The following PCDHA10 variants were observed in gnomAD, a reference collection of about 807,000 sequenced individuals.
The protein encoded by PCDHA10 is protocadherin alpha-10.
Under a neutral mutation model 61.2 loss-of-function variants are expected in PCDHA10, and 45 were observed. The observed-to-expected ratio is 0.74, with a 90% CI of 0.58 to 0.94. The LOEUF (loss-of-function observed/expected upper bound fraction) is 0.94, where lower values mean the gene tolerates loss of function less well. PCDHA10 is among the 40% of genes least tolerant of loss of function. The pLI is 0.00. For synonymous variants in PCDHA10, 602 were observed against 548.8 expected (o/e 1.10, Z -1.35); for missense variants, 1,278 against 1,236.2 (o/e 1.03, Z -0.51).
At chr5:140,958,241 AT>A (rs2095415572) in intron 1 of PCDHA10, among the ~76,000 whole-genome samples, 1 of 152,118 alleles carries the variant, frequency 6.6e-6, no homozygotes, top group Non-Finnish European at 1.5e-5. Flanking sequence ...GTTTTTAACA[AT>A]TCTGAACAAA....
At chr5:140,912,897 G>T (rs782442093) in intron 1 of PCDHA10, among the ~76,000 whole-genome samples, 1 of 152,290 alleles carries the variant, frequency 6.6e-6, no homozygotes, top group East Asian at 1.9e-4. Context: ...TTGATATGAT[G>T]TATCATATTG....
rs1050286921 is a variant in PCDHA10, at chr5:140,879,863, C to G, written c.2388+21427C>G. Among the ~76,000 whole-genome samples, 24 of 152,218 alleles carry G rather than the reference C, an allele frequency of 1.6e-4. 1 individual carries two copies. Among genetic ancestry groups the G allele is most frequent in the Non-Finnish European group, 5.9e-5 (4 of 68,034 alleles). Reference sequence around the variant, plus strand: ...ACCACTCCCATCTCAGCCTTCTCAGCTTTCATGGTCACATTGCCTCCTCCT... The same window carrying G: ...ACCACTCCCATCTCAGCCTTCTCAGGTTTCATGGTCACATTGCCTCCTCCT... On this transcript the variant is annotated intron_variant, in intron 1 of 3. Coordinates refer to ENST00000307360, the MANE Select transcript of PCDHA10 (RefSeq NM_018901.4).
rs1562518295 is a variant in PCDHA10, at chr5:140,857,108, C to G, written c.1060C>G (p.Leu354Val). 1.3e-6 allele frequency: 2 copies of G among 1,597,858 alleles called. No individual in the cohort carries two copies. The highest frequency in any genetic ancestry group is 1.7e-6 in the Non-Finnish European group (2 of 1,167,410). ...DNSPEVIVTSLSLPVKEDAQV... is the reference protein window; with the variant it reads ...DNSPEVIVTSVSLPVKEDAQV... ...TTCACCTGAGGTGATTGTCACTTCT[C>G]TGTCTCTCCCAGTGAAAGAAGATGC... The change falls in exon 1 of 4, where the codon CTG becomes GTG. Residue 354 changes from leucine to valine, a missense_variant. Coordinates refer to ENST00000307360, the MANE Select transcript of PCDHA10 (RefSeq NM_018901.4).
chr5:140,957,826 G>A (rs1282608668), intron 1 of PCDHA10, among the ~76,000 whole-genome samples: 3 of 151,106 alleles, frequency 2.0e-5, no homozygotes, highest in East Asian at 3.9e-4. Flanking sequence ...TTAAGAGAAA[G>A]TGTTAATTGA....
intron 1 of PCDHA10, among the ~76,000 whole-genome samples, chr5:140,961,654 T>G (rs1554225528): frequency 6.6e-6 from 1 of 152,194 alleles, no homozygotes; most frequent in East Asian, 1.9e-4. Context: ...TGTGGTTAGT[T>G]TGAAGTTACC....
intron 1 of PCDHA10, chr5:140,882,698 G>GA: frequency 6.2e-7 from 1 of 1,614,200 alleles, no homozygotes; most frequent in Non-Finnish European, 8.5e-7. Flanking sequence ...AATCATTGCA[G>GA]AATCTAGACC....
chr5:140,975,848 T>C (rs1345383470), intron 1 of PCDHA10, among the ~76,000 whole-genome samples: 1 of 152,234 alleles, frequency 6.6e-6, no homozygotes, highest in Non-Finnish European at 1.5e-5. Flanking sequence ...TCAGTAATAC[T>C]ACATCACCCA....
intron 1 of PCDHA10, among the ~76,000 whole-genome samples, chr5:140,917,324 C>CGGGGGGCG (rs1299895515): frequency 1.3e-5 from 1 of 76,124 alleles, no homozygotes; most frequent in Non-Finnish European, 2.9e-5. Context: ...GTTCATGTGG[C>CGGGGGGCG]GGGGGAGGGG....
chr5:140,909,234 A>G (rs782659410), intron 1 of PCDHA10, among the ~76,000 whole-genome samples: 12 of 152,220 alleles, frequency 7.9e-5, no homozygotes, highest in Non-Finnish European at 1.3e-4. Context: ...GTAGGATGGT[A>G]AAGATATATT....
intron 1 of PCDHA10, among the ~76,000 whole-genome samples, chr5:140,962,085 C>T (rs565561726): frequency 2.0e-5 from 3 of 151,950 alleles, no homozygotes; most frequent in Non-Finnish European, 4.4e-5. Context: ...CGGGGTTTCA[C>T]CATGTTAGCC....
intron 1 of PCDHA10, among the ~76,000 whole-genome samples, chr5:140,949,671 G>A (rs1316716969): frequency 6.6e-6 from 1 of 151,584 alleles, no homozygotes. Context: ...TTTAAAGTAT[G>A]CCCTTGTTGA....
At chr5:140,972,306 GT>G (rs2096530781) in intron 1 of PCDHA10, among the ~76,000 whole-genome samples, 1 of 150,488 alleles carries the variant, frequency 6.6e-6, no homozygotes, top group South Asian at 2.1e-4. Flanking sequence ...TGTCTGACTA[GT>G]TTTTAGGTGT....
chr5:140,957,138 C>G (rs1554222835), intron 1 of PCDHA10, among the ~76,000 whole-genome samples: 1 of 151,982 alleles, frequency 6.6e-6, no homozygotes, highest in African/African-American at 2.4e-5. Flanking sequence ...ACACTATGAA[C>G]TAAAAATTTT....
intron 1 of PCDHA10, among the ~76,000 whole-genome samples, chr5:140,887,239 G>C (rs1248062448): frequency 6.6e-6 from 1 of 151,736 alleles, no homozygotes. Flanking sequence ...TGAGACTACC[G>C]GCGCCCGCCA....
chr5:140,905,215 AAGGTG>A (rs2071683869), intron 1 of PCDHA10, among the ~76,000 whole-genome samples: 1 of 152,186 alleles, frequency 6.6e-6, no homozygotes, highest in Non-Finnish European at 1.5e-5. Flanking sequence ...ATTTTTGTGT[AAGGTG>A]AGAGATGAGG....
chr5:140,990,427 AC>A (rs1488981685), intron 3 of PCDHA10, among the ~76,000 whole-genome samples: 5 of 152,174 alleles, frequency 3.3e-5, no homozygotes, highest in African/African-American at 1.2e-4. Flanking sequence ...ACCAGCATTG[AC>A]CCAATCTTGT....
chr5:140,877,793 C>T, intron 1 of PCDHA10: 1 of 1,613,948 alleles, frequency 6.2e-7, no homozygotes, highest in Non-Finnish European at 8.5e-7. Flanking sequence ...GCCTTCAGCC[C>T]AAGCCTTCAG....
At chr5:140,956,381 G>T (rs1380347643) in intron 1 of PCDHA10, among the ~76,000 whole-genome samples, 2 of 152,090 alleles carry the variant, frequency 1.3e-5, no homozygotes, top group African/African-American at 4.8e-5. Context: ...TTTTATCGAA[G>T]GCCTTTTCTG....
chr5:140,871,413 C>A (rs2053063966), intron 1 of PCDHA10: 1 of 1,614,002 alleles, frequency 6.2e-7, no homozygotes, highest in East Asian at 2.2e-5. Flanking sequence ...ACCTCATGGC[C>A]TTCAGCCCCA....
Sources: gnomAD v4.1 joint callset for allele counts (sites outside exome capture counted in the v4.1 genomes callset) on GRCh38, gnomAD v4.1.1 for gene constraint, MANE v1.5 for transcripts, NCBI Gene and HGNC (gene_info 2026-07-23, HGNC 2026-07-21) for gene names.